DMD: variants seen among roughly 807,000 people sequenced by gnomAD.
DMD encodes mutant dystrophin.
A neutral mutation model predicts 330.1 loss-of-function variants in DMD; 63 were observed. That is an observed-to-expected ratio of 0.19 (90% CI 0.16 to 0.24). DMD has a LOEUF of 0.24. DMD is among the 10% of genes least tolerant of loss of function. DMD has a pLI of 1.00. For missense variants in DMD, 3,344 were observed against 2,684.1 expected (o/e 1.25, Z -5.43); for synonymous variants, 1,223 against 959.8 (o/e 1.27, Z -5.07).
chrX:31,286,841 T>G (rs761331880), intron 62 of DMD, among the ~76,000 whole-genome samples: 7 of 112,441 alleles, frequency 6.2e-5, no homozygotes, highest in Non-Finnish European at 9.4e-5. Flanking sequence ...CTCGGCTCAC[T>G]GCAACCTCCG....
chrX:33,213,153 T>C (rs2051981200), upstream of DMD, among the ~76,000 whole-genome samples: 1 of 111,462 alleles, frequency 9.0e-6, no homozygotes, highest in Admixed American at 9.6e-5. Context: ...TTACCGGTGA[T>C]TCTAATGCAT....
At chrX:32,756,920 T>C (rs2071578213) in intron 7 of DMD, among the ~76,000 whole-genome samples, 3 of 111,467 alleles carry the variant, frequency 2.7e-5, no homozygotes, top group Admixed American at 1.9e-4. Context: ...TCATCACTGG[T>C]TTGAAGTCAG....
intron 9 of DMD, among the ~76,000 whole-genome samples, chrX:32,674,992 A>G (rs1391815261): frequency 2.7e-5 from 3 of 111,675 alleles, no homozygotes; most frequent in Non-Finnish European, 5.7e-5. Flanking sequence ...AAATCCTTAA[A>G]TAATCAACAA....
intron 1 of DMD, chrX:33,085,927 T>C (rs191337076): frequency 8.9e-6 from 1 of 112,153 alleles, no homozygotes; most frequent in East Asian, 2.8e-4. Context: ...TTAGTGTTGA[T>C]CTTATGCCAT....
chrX:32,196,859 G>A (rs921029877), intron 44 of DMD, among the ~76,000 whole-genome samples: 5 of 108,548 alleles, frequency 4.6e-5, no homozygotes, highest in Admixed American at 9.9e-5. Context: ...GGTAGCCAGC[G>A]CCTGTAGTAC....
At chrX:32,228,055 G>A (rs746650705) in intron 43 of DMD, among the ~76,000 whole-genome samples, 1 of 111,419 alleles carries the variant, frequency 9.0e-6, no homozygotes, top group South Asian at 3.8e-4. Flanking sequence ...AGGGGGCTAA[G>A]GGGACCTTAA....
chrX:33,005,628 A>G (rs933406158), intron 2 of DMD, among the ~76,000 whole-genome samples: 8 of 109,743 alleles, frequency 7.3e-5, no homozygotes, highest in African/African-American at 2.6e-4. Flanking sequence ...ATATAAAAAA[A>G]TGAACAAAAA....
intron 2 of DMD, among the ~76,000 whole-genome samples, chrX:32,879,419 G>A (rs1221403127): frequency 1.8e-5 from 2 of 111,823 alleles, no homozygotes; most frequent in South Asian, 3.7e-4. Context: ...GACAACCTCT[G>A]CTATGCCCTC....
intron 7 of DMD, among the ~76,000 whole-genome samples, chrX:32,731,610 C>G (rs186950623): frequency 0.017 from 1,866 of 112,106 alleles, 44 homozygotes; most frequent in African/African-American, 0.057. Flanking sequence ...GACCCCTGAC[C>G]CCCGAGCACC....
chrX:31,437,991 T>A (rs1408517381), intron 60 of DMD, among the ~76,000 whole-genome samples: 1 of 110,512 alleles, frequency 9.0e-6, no homozygotes, highest in Non-Finnish European at 1.9e-5. Context: ...GCTATCATAT[T>A]GGACAGCACA....
At chrX:31,225,228 G>T (rs1340394255) in intron 63 of DMD, among the ~76,000 whole-genome samples, 1 of 112,336 alleles carries the variant, frequency 8.9e-6, no homozygotes, top group Non-Finnish European at 1.9e-5. Context: ...CACTGTAGAG[G>T]TGGTCAGTTG....
chrX:31,605,878 A>G (rs1017498197), intron 55 of DMD, among the ~76,000 whole-genome samples: 11 of 111,991 alleles, frequency 9.8e-5, no homozygotes, highest in Non-Finnish European at 1.9e-4. Flanking sequence ...GTTTTATGAA[A>G]AAGAAACATC....
chrX:32,751,379 T>C (rs2070787672), intron 7 of DMD, among the ~76,000 whole-genome samples: 1 of 111,548 alleles, frequency 9.0e-6, no homozygotes. Flanking sequence ...ACTCATTATA[T>C]TTTAGCAAAG....
intron 7 of DMD, among the ~76,000 whole-genome samples, chrX:32,759,313 C>G (rs948600152): frequency 2.7e-5 from 3 of 111,941 alleles, no homozygotes; most frequent in Non-Finnish European, 5.6e-5. Flanking sequence ...GCACTGAATG[C>G]TTAATCCTGT....
chrX:32,710,712 G>C (rs1010512691), intron 7 of DMD, among the ~76,000 whole-genome samples: 11 of 110,842 alleles, frequency 9.9e-5, no homozygotes, highest in African/African-American at 3.6e-4. Flanking sequence ...TCAGACTGAG[G>C]ATAGGAAAAG....
At chrX:33,301,300 G>A (rs1392700681) in intron 1 of DMD, among the ~76,000 whole-genome samples, 1 of 111,341 alleles carries the variant, frequency 9.0e-6, no homozygotes, top group Non-Finnish European at 1.9e-5. Context: ...CTTCAAAATA[G>A]TGTGTGGATA....
intron 7 of DMD, among the ~76,000 whole-genome samples, chrX:32,704,614 A>C (rs769436007): frequency 3.0e-4 from 34 of 112,585 alleles, no homozygotes; most frequent in Non-Finnish European, 5.8e-4. Flanking sequence ...TTAGTTGGTC[A>C]GTCTTTTAAG....
chrX:32,741,230 G>A (rs1394154398), intron 7 of DMD, among the ~76,000 whole-genome samples: 1 of 111,282 alleles, frequency 9.0e-6, no homozygotes, highest in African/African-American at 3.3e-5. Context: ...ACAATAAAGC[G>A]ATGTGATAAA....
At chrX:31,763,716 A>T (rs778417076) in intron 51 of DMD, among the ~76,000 whole-genome samples, 1 of 112,138 alleles carries the variant, frequency 8.9e-6, no homozygotes, top group South Asian at 3.7e-4. Context: ...ATATTAATCA[A>T]CTTTAAGGAG....
Sources: gnomAD v4.1 joint callset for allele counts (sites outside exome capture counted in the v4.1 genomes callset) on GRCh38, gnomAD v4.1.1 for gene constraint, MANE v1.5 for transcripts, NCBI Gene and HGNC (gene_info 2026-07-23, HGNC 2026-07-21) for gene names.